PPP1R13L: variants seen among roughly 807,000 people sequenced by gnomAD.
PPP1R13L encodes the protein relA-associated inhibitor.
In PPP1R13L, 50 loss-of-function variants were observed where a neutral mutation model predicts 80.9. The ratio of observed to expected loss-of-function variants is 0.62; its 90% CI spans 0.49 to 0.78. The LOEUF is 0.78. PPP1R13L is among the 30% of genes least tolerant of loss of function. The pLI, the probability that PPP1R13L is intolerant of heterozygous loss-of-function variation, is 0.00. For missense variants in PPP1R13L, 1,200 were observed against 1,205.9 expected (o/e 1.00, Z 0.07); for synonymous variants, 602 against 534.3 (o/e 1.13, Z -1.75).
chr19:45,380,229 C>G lies in PPP1R13L; in HGVS notation c.2449-1G>C. Reference sequence around the variant, plus strand: ...TTTGAGGCTTCACCCTGGGGAACAGCTGGGGAGAGACAGGATCTTCAGACA... The same window carrying G: ...TTTGAGGCTTCACCCTGGGGAACAGGTGGGGAGAGACAGGATCTTCAGACA... On this transcript the variant is annotated splice_acceptor_variant, in intron 12 of 12. Transcript: ENST00000360957. LOFTEE classifies it high-confidence loss of function. 6.2e-7 allele frequency: 1 copy of G among 1,614,066 alleles called. No individual in the cohort carries two copies. The highest frequency in any genetic ancestry group is 8.5e-7 in the Non-Finnish European group (1 of 1,179,994).
rs554094700 is a variant in PPP1R13L, at chr19:45,396,705, G to A, written c.552C>T (p.Pro184=). The A allele has an allele frequency of 4.8e-5, 67 of 1,408,136 alleles. No individual in the cohort carries two copies. In the South Asian group the frequency reaches 7.6e-4, roughly 16 times the overall value. 87.2% of individuals were successfully genotyped at this position (1,408,136 alleles called of 1,614,324 possible). Residue 184 remains proline, a synonymous_variant, in exon 4 of 13, where the codon CCC becomes CCT. Coordinates refer to ENST00000360957, the MANE Select transcript of PPP1R13L (RefSeq NM_006663.4). This position sits in a 1 kb window ranked among gnomAD's most constrained non-coding sequence, Gnocchi z 5.3. ...PFDFLGRAGS[P]RGSPLAEGPQ... is the part of the protein sequence containing the mutation. The stretch of plus-strand genomic sequence containing the variant: ...GCCCCTCCGCCAGGGGGCTGCCGCG[G>A]GGGGAGCCTGCGCGGCCCAGGAAGT...
chr19:45,398,419 A>G, intron 1 of PPP1R13L, 80 bp from the exon 2 acceptor site: 1 of 1,405,868 alleles, frequency 7.1e-7, no homozygotes, highest in Non-Finnish European at 9.7e-7. Flanking sequence ...CGCCGTCAGG[A>G]GCGGGACAAC....
At chr19:45,383,039 G>A (rs1599761542) in intron 11 of PPP1R13L, among the ~76,000 whole-genome samples, 1 of 142,062 alleles carries the variant, frequency 7.0e-6, no homozygotes, top group Middle Eastern at 3.9e-3. Context: ...CTGTCGCCCA[G>A]GCTGGAGTGC....
intron 1 of PPP1R13L, 83 bp from the exon 2 acceptor site, chr19:45,398,422 G>C (rs374836161): frequency 2.6e-5 from 35 of 1,353,632 alleles, no homozygotes; most frequent in Non-Finnish European, 3.2e-5. Flanking sequence ...CGTCAGGAGC[G>C]GGACAACGCC....
At chr19:45,406,361 T>G (rs182589388), upstream of PPP1R13L, 1 of 1,250,208 alleles carries the variant, frequency 8.0e-7, no homozygotes, top group Admixed American at 4.4e-5. The surrounding 1 kb of genome is among the most constrained non-coding windows in gnomAD (Gnocchi z 4.2). Flanking sequence ...GCAGTGTGGC[T>G]GCCCCTTTAA....
intron 1 of PPP1R13L, among the ~76,000 whole-genome samples, chr19:45,404,602 C>T (rs928911): frequency 0.063 from 9,529 of 152,246 alleles, 376 homozygotes; most frequent in African/African-American, 0.1. Flanking sequence ...TCGGTCGAGA[C>T]AGCAGCTTGA....
Position 45,396,375 on chromosome 19 carries a change from CGCCACGTCCAGGTCAGACTCGTTCCAG to C in PPP1R13L, c.747_773del (p.Trp250_Ala258del). On this transcript the variant is annotated inframe_deletion, in exon 5 of 13. Transcript: ENST00000360957. This position sits in a 1 kb window ranked among gnomAD's most constrained non-coding sequence, Gnocchi z 5.3. The stretch of plus-strand genomic sequence containing the variant: ...CTGTCTGCGAAGGCTTCTTCTCGTA[CGCCACGTCCAGGTCAGACTCGTTCCAG>C]GCTTTCGGAGGCCGCCGGCGCAGCG... The C allele has an allele frequency of 6.2e-7, 1 of 1,614,168 alleles. No homozygotes were observed. The highest frequency in any genetic ancestry group is 8.5e-7 in the Non-Finnish European group (1 of 1,180,012).
chr19:45,388,478 G>A (rs968040771), intron 8 of PPP1R13L, among the ~76,000 whole-genome samples: 1 of 151,482 alleles, frequency 6.6e-6, no homozygotes, highest in African/African-American at 2.4e-5. Flanking sequence ...GGGAGGCTGA[G>A]GCATGAGGAT....
intron 12 of PPP1R13L, 128 bp downstream of exon 12, chr19:45,382,399 A>T: frequency 8.9e-7 from 1 of 1,117,590 alleles, no homozygotes. Context: ...AGCAATAATG[A>T]GCTTTTCAGA....
chr19:45,380,680 G>A (rs757367564), intron 12 of PPP1R13L, among the ~76,000 whole-genome samples: 26 of 152,170 alleles, frequency 1.7e-4, no homozygotes, highest in Admixed American at 1.0e-3. Context: ...TTAGCTGGGC[G>A]TGGTGGTGCA....
Position 45,382,872 on chromosome 19 carries a change from G to C in PPP1R13L, c.2249-146C>G, listed in dbSNP as rs1363996420. ...TTGTGTGTGCCCATGGCTGTGGATGGGAACCGGAGCTGGAGTCAGATGCCG... is the reference window on the plus strand; with the variant it reads ...TTGTGTGTGCCCATGGCTGTGGATGCGAACCGGAGCTGGAGTCAGATGCCG... On this transcript the variant is annotated intron_variant, in intron 11 of 12. Transcript: ENST00000360957. 7.7e-5 allele frequency: 57 copies of C among 738,980 alleles called. No homozygotes were observed. In the East Asian group the frequency reaches 1.6e-3, roughly 20 times the overall value. 45.8% of individuals were successfully genotyped at this position (738,980 alleles called of 1,614,324 possible). A position where few individuals can be genotyped will look rare whatever the true frequency, so the allele number is the denominator to read the frequency against.
chr19:45,391,927 G>T lies in PPP1R13L; in HGVS notation c.1768C>A (p.Pro590Thr), dbSNP rs746610658. 1 of 1,503,066 alleles carries T rather than the reference G, an allele frequency of 6.7e-7. No homozygotes were observed. The highest frequency in any genetic ancestry group is 2.3e-5 in the East Asian group (1 of 42,762). The allele number at this position is 1,503,066 out of a possible 1,614,324, so 93.1% of individuals were successfully genotyped here. A position where few individuals can be genotyped will look rare whatever the true frequency, so the allele number is the denominator to read the frequency against. ...PAPAPPAPIP[P>T]PAPSQSSPPE... is the part of the protein sequence containing the mutation. Reference sequence around the variant, plus strand: ...GGGCTGCTCTGGGACGGGGCCGGGGGTGGAATGGGAGCTGGTGGGGCAGGA... The same window carrying T: ...GGGCTGCTCTGGGACGGGGCCGGGGTTGGAATGGGAGCTGGTGGGGCAGGA... The change falls in exon 8 of 13, where the codon CCC becomes ACC. Residue 590 changes from proline to threonine, a missense_variant. This residue lies in a region of PPP1R13L where 214 missense variants were observed against 199.6 expected (regional missense o/e 1.07). Transcript: ENST00000360957.
rs367683031 is a variant in PPP1R13L at position 45,384,366 on chromosome 19, C to A, written c.2248+1196G>T. Among the ~76,000 whole-genome samples, 384 of 91,000 alleles carry A rather than the reference C, an allele frequency of 4.2e-3. 1 individual carries two copies. Among genetic ancestry groups the A allele is most frequent in the Middle Eastern group, 7.1e-3 (1 of 140 alleles). The allele number at this position is 91,000 out of a possible 152,430, so 59.7% of individuals were successfully genotyped here. ...CAAAACCCCGTCTCTACTAAAAATACAAAAAAAAAAAAAAAAAAAGTTAGC... is the reference window on the plus strand; with the variant it reads ...CAAAACCCCGTCTCTACTAAAAATAAAAAAAAAAAAAAAAAAAAAGTTAGC... On this transcript the variant is annotated intron_variant, in intron 11 of 12. Transcript: ENST00000360957.
At chr19:45,397,635 T>C (rs1973139766) in intron 3 of PPP1R13L, among the ~76,000 whole-genome samples, 2 of 151,694 alleles carry the variant, frequency 1.3e-5, no homozygotes, top group African/African-American at 4.8e-5. Context: ...CTTTTGTATT[T>C]TTAGTAGAGA....
Position 45,398,031 on chromosome 19 carries a change from C to T in PPP1R13L, c.172G>A (p.Gly58Ser). 6.2e-7 allele frequency: 1 copy of T among 1,613,524 alleles called. No homozygotes were observed. The highest frequency in any genetic ancestry group is 8.5e-7 in the Non-Finnish European group (1 of 1,179,554). ...CTAGAAGGGGGTCCGGCCTGCGGGC[C>T]AGGAGGCGCGGGAGAGTCTGACCAC... ...SLWSDSPAPP[G>S]PQAGPPSRPP... Residue 58 changes from glycine (G) to serine (S), a missense_variant, in exon 3 of 13, where the codon GGC (glycine) becomes AGC (serine). Gly to Ser is a moderately conservative substitution (Grantham distance 56). Around this residue, in one of 5 missense-constraint regions of PPP1R13L, gnomAD observed 764 missense variants for 714.5 expected, o/e 1.07. Coordinates refer to ENST00000360957, the MANE Select transcript of PPP1R13L (RefSeq NM_006663.4).
Position 45,396,376 on chromosome 19 carries a change from G to A in PPP1R13L, c.773C>T (p.Ala258Val), listed in dbSNP as rs1453446602. The change falls in exon 5 of 13, where the codon GCG becomes GTG. Residue 258 changes from alanine (A) to valine (V), a missense_variant. Ala to Val is a moderately conservative substitution (Grantham distance 64). Around this residue, in one of 5 missense-constraint regions of PPP1R13L, gnomAD observed 764 missense variants for 714.5 expected, o/e 1.07. Transcript: ENST00000360957. The surrounding 1 kb of genome is among the most constrained non-coding windows in gnomAD (Gnocchi z 5.3). Reference protein sequence around the residue: ...KAWNESDLDVAYEKKPSQTAS... With the variant: ...KAWNESDLDVVYEKKPSQTAS... The stretch of plus-strand genomic sequence containing the variant: ...TGTCTGCGAAGGCTTCTTCTCGTAC[G>A]CCACGTCCAGGTCAGACTCGTTCCA... 2.5e-6 allele frequency: 4 copies of A among 1,613,956 alleles called. No individual in the cohort carries two copies. The highest frequency in any genetic ancestry group is 2.7e-5 in the African/African-American group (2 of 74,920).
At chr19:45,384,890 C>G (rs1460910155) in intron 11 of PPP1R13L, among the ~76,000 whole-genome samples, 1 of 152,058 alleles carries the variant, frequency 6.6e-6, no homozygotes, top group Non-Finnish European at 1.5e-5. Context: ...GACAGGGGGT[C>G]TCTACAATGT....
chr19:45,398,242 C>T (rs772780568), intron 2 of PPP1R13L, 22 bp downstream of exon 2: 1 of 1,613,716 alleles, frequency 6.2e-7, no homozygotes, highest in East Asian at 2.2e-5. Context: ...CCTCGCCAGC[C>T]CCGCCCCCTA....
At chr19:45,393,828 A>G (rs761091003) in intron 7 of PPP1R13L, among the ~76,000 whole-genome samples, 1 of 152,122 alleles carries the variant, frequency 6.6e-6, no homozygotes, top group Admixed American at 6.6e-5. Flanking sequence ...AGCAAGCACC[A>G]CTGCACTCCA....
Sources: allele counts gnomAD v4.1 joint callset (sites outside exome capture counted in the v4.1 genomes callset), GRCh38; gene constraint gnomAD v4.1.1; regional missense constraint gnomAD v4.1.1; non-coding constraint Gnocchi (gnomAD v3.1); transcripts MANE v1.5; gene names NCBI Gene and HGNC (gene_info 2026-07-23, HGNC 2026-07-21).